PTPRD: variants seen among roughly 807,000 people sequenced by gnomAD.
The protein encoded by PTPRD is protein tyrosine phosphatase receptor type D, also known as receptor-type tyrosine-protein phosphatase delta.
A neutral mutation model predicts 214.5 loss-of-function variants in PTPRD; 34 were observed. The observed-to-expected ratio is 0.16, with a 90% CI of 0.12 to 0.21. The LOEUF is 0.21. PTPRD is among the 10% of genes least tolerant of loss of function. The pLI is 1.00. For synonymous variants in PTPRD, 1,128 were observed against 845.7 expected (o/e 1.33, Z -5.79); for missense variants, 2,545 against 2,398.7 (o/e 1.06, Z -1.27).
intron 10 of PTPRD, among the ~76,000 whole-genome samples, chr9:9,087,349 A>C (rs1185135186): frequency 2.0e-5 from 3 of 152,154 alleles, no homozygotes; most frequent in African/African-American, 7.2e-5. Flanking sequence ...TAAAATTATA[A>C]TTATACCTAT....
chr9:9,522,598 A>G (rs929794727), intron 8 of PTPRD, among the ~76,000 whole-genome samples: 3 of 152,176 alleles, frequency 2.0e-5, no homozygotes, highest in Non-Finnish European at 2.9e-5. Context: ...TACCTGAGAA[A>G]CAAGAAAGAA....
intron 11 of PTPRD, among the ~76,000 whole-genome samples, chr9:8,823,676 G>A (rs1395377284): frequency 8.9e-6 from 1 of 112,646 alleles, no homozygotes; most frequent in Non-Finnish European, 1.8e-5. Flanking sequence ...AAAGGGAAAA[G>A]GAAAGGGAAA....
rs1289694506 is a variant in PTPRD, at chr9:10,292,711, A to G, written c.-545+48252T>C. On this transcript the variant is annotated intron_variant, in intron 3 of 45. Transcript: ENST00000381196. ...CTTTTTTTTAACCACCTGAAATCATACACTAATTAATTTATTTAACTTTCC... is the reference window on the plus strand; with the variant it reads ...CTTTTTTTTAACCACCTGAAATCATGCACTAATTAATTTATTTAACTTTCC... 4.6e-5 allele frequency among the ~76,000 whole-genome samples: 7 copies of G among 151,978 alleles called. No individual in the cohort carries two copies. In the East Asian group the frequency reaches 1.4e-3, roughly 29 times the overall value.
At chr9:9,393,205 G>A (rs1313838535) in intron 9 of PTPRD, among the ~76,000 whole-genome samples, 1 of 152,128 alleles carries the variant, frequency 6.6e-6, no homozygotes, top group Non-Finnish European at 1.5e-5. Context: ...CATCTGGTGT[G>A]ATAGACTGAA....
At chr9:9,563,229 T>C (rs1347119191) in intron 8 of PTPRD, among the ~76,000 whole-genome samples, 4 of 152,104 alleles carry the variant, frequency 2.6e-5, no homozygotes, top group Admixed American at 6.6e-5. Context: ...TCTATCCCGA[T>C]AAGTTTGAAA....
chr9:8,638,435 G>A (rs962718406), intron 12 of PTPRD, among the ~76,000 whole-genome samples: 6 of 151,700 alleles, frequency 4.0e-5, no homozygotes, highest in Non-Finnish European at 8.8e-5. Flanking sequence ...GATAATCTTG[G>A]AGGAAAAAAA....
rs1167926481 is a variant in PTPRD, at chr9:8,929,881, ATG to A, written c.-104+88814_-104+88815del. Among the ~76,000 whole-genome samples, 369 of 103,652 alleles carry A rather than the reference ATG, an allele frequency of 3.6e-3. 53 individuals are homozygous for A. Among genetic ancestry groups the A allele is most frequent in the South Asian group, 0.012 (38 of 3,204 alleles). The allele number at this position is 103,652 out of a possible 152,430, so 68.0% of individuals were successfully genotyped here. A position where few individuals can be genotyped will look rare whatever the true frequency, so the allele number is the denominator to read the frequency against. ...TGTGTATATACATGTGTGTGTATAT[ATG>A]TGTGTGTATATATATGTGTATATAT... On this transcript the variant is annotated intron_variant, in intron 11 of 45. Transcript: ENST00000381196.
chr9:8,330,336 A>G (rs1322136317), intron 44 of PTPRD, among the ~76,000 whole-genome samples: 2 of 152,078 alleles, frequency 1.3e-5, no homozygotes, highest in Admixed American at 1.3e-4. Context: ...TTGTAAGTAC[A>G]TTGTTGTTTG....
intron 7 of PTPRD, among the ~76,000 whole-genome samples, chr9:9,717,691 C>A (rs2097858317): frequency 6.6e-6 from 1 of 152,118 alleles, no homozygotes. Flanking sequence ...CTCCACAAGT[C>A]TTTGACAATT....
intron 3 of PTPRD, among the ~76,000 whole-genome samples, chr9:10,201,913 G>A (rs1201527536): frequency 1.3e-5 from 2 of 151,222 alleles, no homozygotes; most frequent in East Asian, 3.9e-4. Context: ...TTTTTTTCCA[G>A]TGTGTTTTTC....
intron 10 of PTPRD, among the ~76,000 whole-genome samples, chr9:9,134,212 A>G (rs1308956916): frequency 6.8e-6 from 1 of 147,992 alleles, no homozygotes; most frequent in Non-Finnish European, 1.5e-5. Context: ...AGCTGGGACT[A>G]CAGGTGCCCG....
At chr9:10,118,288 T>C (rs1006490010) in intron 3 of PTPRD, among the ~76,000 whole-genome samples, 2 of 151,708 alleles carry the variant, frequency 1.3e-5, no homozygotes, top group African/African-American at 2.4e-5. Flanking sequence ...TCTATATATC[T>C]ATAGAAACAT....
rs555386783 is a variant in PTPRD at position 8,377,281 on chromosome 9, A to C, written c.4387-555T>G. 7.9e-5 allele frequency among the ~76,000 whole-genome samples: 12 copies of C among 152,036 alleles called. No homozygotes were observed. In the South Asian group the frequency reaches 2.3e-3, roughly 29 times the overall value. On this transcript the variant is annotated intron_variant, in intron 37 of 45. Coordinates refer to ENST00000381196, the MANE Select transcript of PTPRD (RefSeq NM_002839.4). The stretch of plus-strand genomic sequence containing the variant: ...TGTATCCAAAGCAAATTAAACCTAT[A>C]ATGTCTGCAGGAAAAAGAGTTGTCT...
intron 2 of PTPRD, among the ~76,000 whole-genome samples, chr9:10,517,829 T>A (rs545877453): frequency 6.6e-6 from 1 of 152,234 alleles, no homozygotes; most frequent in Admixed American, 6.5e-5. Context: ...CATTTATAGG[T>A]GTTTACCTTT....
chr9:8,841,080 T>G (rs1315182777), intron 11 of PTPRD, among the ~76,000 whole-genome samples: 1 of 152,196 alleles, frequency 6.6e-6, no homozygotes, highest in East Asian at 1.9e-4. Flanking sequence ...CTATTAAATC[T>G]TTCTGGGGTA....
chr9:8,698,197 A>C (rs778239971), intron 12 of PTPRD, among the ~76,000 whole-genome samples: 15 of 152,244 alleles, frequency 9.9e-5, no homozygotes, highest in Non-Finnish European at 1.9e-4. Context: ...GAGTACTAGC[A>C]TACTGAATGC....
chr9:9,147,335 G>A (rs1371639174), intron 10 of PTPRD, among the ~76,000 whole-genome samples: 1 of 150,204 alleles, frequency 6.7e-6, no homozygotes. Context: ...GTGGGGGAGG[G>A]GATTAATACT....
At chr9:9,937,220 TAAA>T (rs1441175771) in intron 5 of PTPRD, among the ~76,000 whole-genome samples, 3 of 151,164 alleles carry the variant, frequency 2.0e-5, no homozygotes, top group Admixed American at 1.3e-4. Context: ...AAACTTAAAG[TAAA>T]ATAATAAAAA....
At chr9:8,927,392 C>T (rs200727677) in intron 11 of PTPRD, among the ~76,000 whole-genome samples, 5 of 152,044 alleles carry the variant, frequency 3.3e-5, no homozygotes, top group South Asian at 2.1e-4. Flanking sequence ...TGGTGTGTGA[C>T]GTTCCCCTCC....
Sources: gnomAD v4.1 joint callset for allele counts (sites outside exome capture counted in the v4.1 genomes callset) on GRCh38, gnomAD v4.1.1 for gene constraint, MANE v1.5 for transcripts, NCBI Gene and HGNC (gene_info 2026-07-23, HGNC 2026-07-21) for gene names.